Variants in EFCC1 observed in about 807,000 individuals in gnomAD.
EFCC1 encodes the protein EF-hand and coiled-coil domain containing 1.
A neutral mutation model predicts 52.1 loss-of-function variants in EFCC1; 50 were observed. That is an observed-to-expected ratio of 0.96 (90% confidence interval 0.76 to 1.21). EFCC1 has a LOEUF of 1.21. Ranked by LOEUF, EFCC1 falls within the 50% of genes most tolerant of loss-of-function variation. The pLI is 0.00. For synonymous variants in EFCC1, 399 were observed against 396.5 expected (o/e 1.01, Z -0.08); for missense variants, 837 against 867.3 (o/e 0.97, Z 0.44).
At chr3:129,015,217 GGC>G (rs1215357986) in intron 2 of EFCC1, among the ~76,000 whole-genome samples, 1 of 151,960 alleles carries the variant, frequency 6.6e-6, no homozygotes, top group Non-Finnish European at 1.5e-5. Context: ...CCCCTTCTCA[GGC>G]CCTTTGGGCA....
At chr3:129,002,505 C>A in intron 1 of EFCC1, 181 bp downstream of exon 1, 1 of 1,213,572 alleles carries the variant, frequency 8.2e-7, no homozygotes, top group Non-Finnish European at 1.1e-6. Context: ...CATTCCACTC[C>A]AGTCCCCAAC....
At chr3:129,037,699 A>G (rs2107942087) in intron 6 of EFCC1, among the ~76,000 whole-genome samples, 1 of 152,316 alleles carries the variant, frequency 6.6e-6, no homozygotes, top group Admixed American at 6.5e-5. Context: ...TCACCAGATA[A>G]GGGCTCTCAA....
intron 2 of EFCC1, among the ~76,000 whole-genome samples, chr3:129,021,935 T>C (rs1407407310): frequency 6.6e-6 from 1 of 152,208 alleles, no homozygotes; most frequent in Non-Finnish European, 1.5e-5. Flanking sequence ...ATTCAGCTCA[T>C]TTTGGAATAG....
At chr3:129,015,858 C>G (rs1318309147) in intron 2 of EFCC1, among the ~76,000 whole-genome samples, 1 of 151,954 alleles carries the variant, frequency 6.6e-6, no homozygotes, top group African/African-American at 2.4e-5. Flanking sequence ...AAGGCTGCTT[C>G]ACTCAGGAAA....
At chr3:129,038,697 C>T (rs1946386529) in intron 6 of EFCC1, 134 bp from the exon 7 acceptor site, 6 of 827,150 alleles carry the variant, frequency 7.3e-6, no homozygotes, top group Non-Finnish European at 1.2e-5. Flanking sequence ...GGCCAAGAAG[C>T]GATGAGGGTG....
At chr3:129,011,149 A>C (rs1945308167) in intron 2 of EFCC1, among the ~76,000 whole-genome samples, 1 of 152,242 alleles carries the variant, frequency 6.6e-6, no homozygotes, top group Non-Finnish European at 1.5e-5. Flanking sequence ...CATCTGTAAA[A>C]TGAGATGAGA....
chr3:129,030,621 A>C, intron 2 of EFCC1, 82 bp from the exon 3 acceptor site: 2 of 1,439,732 alleles, frequency 1.4e-6, no homozygotes, highest in South Asian at 3.0e-5. Context: ...GGGTGTTCAT[A>C]GACAGCTTGC....
intron 2 of EFCC1, 61 bp from the exon 3 acceptor site, chr3:129,030,642 T>A (rs865876663): frequency 6.6e-7 from 1 of 1,506,632 alleles, no homozygotes; most frequent in Non-Finnish European, 8.9e-7. Flanking sequence ...CCATGTACAG[T>A]GGGGAATGGA....
Position 129,034,179 on chromosome 3 carries a change from G to C in EFCC1, c.1302G>C (p.Thr434=). The C allele has an allele frequency of 1.2e-6, 2 of 1,614,224 alleles. No individual in the cohort carries two copies. Among genetic ancestry groups the C allele is most frequent in the Non-Finnish European group, 1.7e-6 (2 of 1,180,052 alleles). ...SSCRGRCDDQ[T]AEKLMTYFGH... ...TTTGCTGCAGGTGTGATGACCAGAC[G>C]GCGGAGAAGCTCATGACTTACTTTG... Residue 434 remains threonine (T), a synonymous_variant, in exon 5 of 8, where the codon ACG becomes ACC. Coordinates refer to ENST00000683648, the MANE Select transcript of EFCC1 (RefSeq NM_001377500.1).
At position 129,010,063 on chromosome 3, in the gene EFCC1, A is replaced by G. The variant is rs997739366; in HGVS notation, c.980+5986A>G. Among the ~76,000 whole-genome samples the G allele has an allele frequency of 2.0e-5, 3 of 152,234 alleles. No homozygotes were observed. Among genetic ancestry groups the G allele is most frequent in the Non-Finnish European group, 2.9e-5 (2 of 68,034 alleles). On this transcript the variant is annotated intron_variant, in intron 2 of 7. Coordinates refer to ENST00000683648, the MANE Select transcript of EFCC1 (RefSeq NM_001377500.1). This position sits in a 1 kb window ranked among gnomAD's most constrained non-coding sequence, Gnocchi z 4.3. ...CAGTAAGATGTGTGTGGACACACGA[A>G]TGGACCAGCGGGCATGGGAGTGGAT...
Position 129,039,879 on chromosome 3 carries a change from T to G in EFCC1, c.*31T>G. The G allele has an allele frequency of 6.4e-7, 1 of 1,573,472 alleles. No individual in the cohort carries two copies. Among genetic ancestry groups the G allele is most frequent in the Non-Finnish European group, 8.7e-7 (1 of 1,154,770 alleles). On this transcript the variant is annotated 3_prime_UTR_variant, in exon 8 of 8. Coordinates refer to ENST00000683648, the MANE Select transcript of EFCC1 (RefSeq NM_001377500.1). ...CTGGCCCACCCTGTGGGCACCCTGC[T>G]CAGCCTGACTGCCTTTGGACCAGCC...
intron 2 of EFCC1, among the ~76,000 whole-genome samples, chr3:129,007,193 C>T (rs773751538): frequency 2.0e-5 from 3 of 152,140 alleles, no homozygotes; most frequent in Non-Finnish European, 2.9e-5. Flanking sequence ...AAACATCGGC[C>T]GGACATTTTA....
chr3:129,038,927 GC>G, intron 7 of EFCC1, 27 bp downstream of exon 7: 1 of 1,606,572 alleles, frequency 6.2e-7, no homozygotes, highest in Non-Finnish European at 8.5e-7. Context: ...GTCTCTCAGA[GC>G]CCACGCAGTG....
At chr3:129,024,344 C>T (rs1461090867) in intron 2 of EFCC1, among the ~76,000 whole-genome samples, 1 of 151,938 alleles carries the variant, frequency 6.6e-6, no homozygotes, top group Non-Finnish European at 1.5e-5. Flanking sequence ...CCCGCCTGGC[C>T]AACATGGTAA....
In EFCC1 at chr3:129,037,302, T is replaced by G. The variant is rs577100178; in HGVS notation, c.1593+185T>G. Among the ~76,000 whole-genome samples the G allele has an allele frequency of 3.9e-5, 6 of 152,344 alleles. No individual in the cohort carries two copies. In the East Asian group the frequency reaches 7.7e-4, roughly 20 times the overall value. The stretch of plus-strand genomic sequence containing the variant: ...AAATAGGGTTGGGGGGCTCCCCAGG[T>G]CATTTTAAGAAGCTAATAAAACTCT... On this transcript the variant is annotated intron_variant, in intron 6 of 7. Coordinates refer to ENST00000683648, the MANE Select transcript of EFCC1 (RefSeq NM_001377500.1).
At chr3:129,003,223 A>G (rs925698927) in intron 1 of EFCC1, 52 of 985,252 alleles carry the variant, frequency 5.3e-5, no homozygotes, top group Admixed American at 6.1e-5. Flanking sequence ...CTGATGTGGA[A>G]TCCCAAGTAA....
At chr3:129,013,409 A>G (rs1314998458) in intron 2 of EFCC1, among the ~76,000 whole-genome samples, 1 of 152,214 alleles carries the variant, frequency 6.6e-6, no homozygotes, top group African/African-American at 2.4e-5. Flanking sequence ...TCAAGCGTAT[A>G]TAGCTTCAGG....
intron 1 of EFCC1, chr3:129,002,759 C>T (rs1386980902): frequency 5.8e-6 from 1 of 172,912 alleles, no homozygotes; most frequent in Admixed American, 6.3e-5. Flanking sequence ...TAGGGATATC[C>T]CTGCCTCCTG....
intron 2 of EFCC1, among the ~76,000 whole-genome samples, chr3:129,006,330 G>GT (rs1424065915): frequency 6.6e-6 from 1 of 152,156 alleles, no homozygotes; most frequent in Non-Finnish European, 1.5e-5. Flanking sequence ...TCGTTTGTTT[G>GT]TTTTTTGAGA....
Sources: gnomAD v4.1 joint callset for allele counts (sites outside exome capture counted in the v4.1 genomes callset) on GRCh38, gnomAD v4.1.1 for gene constraint, Gnocchi (gnomAD v3.1) non-coding constraint, MANE v1.5 for transcripts, NCBI Gene and HGNC (gene_info 2026-07-23, HGNC 2026-07-21) for gene names.